Variants in PTPRT observed in about 807,000 individuals in gnomAD.
The protein encoded by PTPRT is protein tyrosine phosphatase receptor type T.
In PTPRT, 56 loss-of-function variants were observed where a neutral mutation model predicts 176.8. That is an observed-to-expected ratio of 0.32 (90% confidence interval 0.26 to 0.40). PTPRT has a LOEUF of 0.40. Ranked by LOEUF, PTPRT falls within the 10% of genes least tolerant of loss-of-function variation. The probability of loss-of-function intolerance (pLI) is 1.00; values close to 1 mark genes in which losing one functional copy is unlikely to be tolerated. For missense variants in PTPRT, 1,540 were observed against 1,908.2 expected, an observed-to-expected ratio of 0.81 and a Z score of 3.60; for synonymous variants, 783 against 739.0, an observed-to-expected ratio of 1.06 and a Z score of -0.96.
intron 7 of PTPRT, among the ~76,000 whole-genome samples, chr20:42,502,887 T>C (rs2145422495): frequency 6.6e-6 from 1 of 152,244 alleles, no homozygotes; most frequent in Admixed American, 6.5e-5. Flanking sequence ...AAACTGCTTA[T>C]CCAAGTGGTT....
chr20:42,677,739 A>T, intron 7 of PTPRT, 127 bp downstream of exon 7: 1 of 1,131,300 alleles, frequency 8.8e-7, no homozygotes, highest in South Asian at 1.6e-5. Context: ...CTGTTTATCC[A>T]CAATAGGAAG....
chr20:43,050,767 C>T (rs1366464060), intron 1 of PTPRT, among the ~76,000 whole-genome samples: 1 of 152,190 alleles, frequency 6.6e-6, no homozygotes, highest in Non-Finnish European at 1.5e-5. Context: ...ATAACAGAAC[C>T]TCCCTCTCTG....
intron 1 of PTPRT, among the ~76,000 whole-genome samples, chr20:43,022,583 G>C (rs1167435770): frequency 6.6e-6 from 1 of 152,210 alleles, no homozygotes; most frequent in African/African-American, 2.4e-5. Flanking sequence ...TATGTCTGGA[G>C]AGGGGGCTGA....
intron 2 of PTPRT, among the ~76,000 whole-genome samples, chr20:42,793,736 G>T (rs1410837815): frequency 6.6e-6 from 1 of 152,190 alleles, no homozygotes; most frequent in Non-Finnish European, 1.5e-5. Context: ...TTGAGGCTTA[G>T]AGATGAGACC....
intron 15 of PTPRT, among the ~76,000 whole-genome samples, chr20:42,213,461 G>T (rs1191484632): frequency 6.6e-6 from 1 of 152,130 alleles, no homozygotes; most frequent in East Asian, 1.9e-4. Flanking sequence ...TAAAATGATT[G>T]TTATGGATTG....
intron 7 of PTPRT, among the ~76,000 whole-genome samples, chr20:42,540,941 T>A (rs900979801): frequency 1.3e-5 from 2 of 152,040 alleles, no homozygotes; most frequent in Non-Finnish European, 2.9e-5. Flanking sequence ...TAATAGATAA[T>A]GGTACAGTGG....
chr20:42,473,602 C>T (rs1343474308), intron 7 of PTPRT, among the ~76,000 whole-genome samples: 1 of 152,122 alleles, frequency 6.6e-6, no homozygotes, highest in Non-Finnish European at 1.5e-5. Flanking sequence ...TAGCCTCAGC[C>T]TCACATGTAG....
intron 19 of PTPRT, among the ~76,000 whole-genome samples, chr20:42,121,697 TTA>T (rs3086717): frequency 0.38 from 53,196 of 140,332 alleles, 9,790 homozygotes; most frequent in East Asian, 0.48. Flanking sequence ...AAGAAATTTT[TTA>T]TATATATATA....
intron 15 of PTPRT, among the ~76,000 whole-genome samples, chr20:42,230,320 C>G (rs935323183): frequency 3.3e-5 from 5 of 152,194 alleles, no homozygotes; most frequent in Non-Finnish European, 7.3e-5. Context: ...GTTACGTGCT[C>G]TCTCTCAGCC....
At chr20:42,047,763 G>C in the PTPRT span, among the ~76,000 whole-genome samples, 1 of 152,128 alleles carries the variant, frequency 6.6e-6, no homozygotes, top group Non-Finnish European at 1.5e-5. Flanking sequence ...TTTTCTGGGA[G>C]ACACTGGGCC....
In PTPRT at chr20:42,095,359, C is replaced by G. The variant is rs375166166; in HGVS notation, c.3846+3062G>C. ...GTCTTCCATGGCCCTCTGACCTCAC[C>G]TTCTGCTGCTTTCCCCACAGTTGTG... On this transcript the variant is annotated intron_variant, in intron 27 of 30. Coordinates refer to ENST00000373187, the MANE Select transcript of PTPRT (RefSeq NM_007050.6). 2.6e-5 allele frequency among the ~76,000 whole-genome samples: 4 copies of G among 152,210 alleles called. No individual in the cohort carries two copies. The East Asian group carries it at 7.7e-4, about 29-fold the overall frequency.
chr20:42,837,408 T>C (rs1188604315), intron 2 of PTPRT, among the ~76,000 whole-genome samples: 2 of 152,192 alleles, frequency 1.3e-5, no homozygotes, highest in South Asian at 2.1e-4. Flanking sequence ...TATCATCCTA[T>C]TGTGACACCT....
At chr20:42,088,450 T>C (rs563447940) in intron 27 of PTPRT, among the ~76,000 whole-genome samples, 1 of 152,316 alleles carries the variant, frequency 6.6e-6, no homozygotes, top group South Asian at 2.1e-4. Context: ...CTTCATTCTC[T>C]CCTTCCTCCA....
chr20:43,180,326 A>G (rs934712884), intron 1 of PTPRT, among the ~76,000 whole-genome samples: 1 of 117,422 alleles, frequency 8.5e-6, no homozygotes, highest in Admixed American at 8.5e-5. Context: ...GCCAATTCCT[A>G]TAAGAAATGA....
At chr20:42,728,167 T>C (rs1475862211) in intron 6 of PTPRT, among the ~76,000 whole-genome samples, 2 of 152,214 alleles carry the variant, frequency 1.3e-5, no homozygotes, top group African/African-American at 4.8e-5. Context: ...GCAGATTCTG[T>C]GCCACACAAC....
intron 6 of PTPRT, among the ~76,000 whole-genome samples, chr20:42,723,527 T>C (rs532910888): frequency 2.0e-5 from 3 of 152,240 alleles, no homozygotes; most frequent in East Asian, 1.9e-4. Flanking sequence ...TTCAGTGCAG[T>C]TGTGGCCTGT....
intron 1 of PTPRT, among the ~76,000 whole-genome samples, chr20:42,961,218 G>A (rs1981966007): frequency 1.3e-5 from 2 of 152,164 alleles, no homozygotes; most frequent in South Asian, 4.1e-4. Flanking sequence ...GCACAGAACT[G>A]TGGAATACAG....
At chr20:42,114,676 C>G (rs1034864189) in intron 22 of PTPRT, among the ~76,000 whole-genome samples, 8 of 152,168 alleles carry the variant, frequency 5.3e-5, no homozygotes, top group African/African-American at 1.9e-4. Flanking sequence ...CCCTTCTCCC[C>G]CAAGTTGTGT....
chr20:42,805,803 T>C (rs773404285), intron 2 of PTPRT, among the ~76,000 whole-genome samples: 1 of 152,182 alleles, frequency 6.6e-6, no homozygotes, highest in Admixed American at 6.5e-5. Flanking sequence ...ACTTTTATAG[T>C]ATAGATCACG....
Sources: allele counts gnomAD v4.1 joint callset (sites outside exome capture counted in the v4.1 genomes callset), GRCh38; gene constraint gnomAD v4.1.1; transcripts MANE v1.5; gene names NCBI Gene and HGNC (gene_info 2026-07-23, HGNC 2026-07-21).